The following NDEL1 variants were observed in gnomAD, a reference collection of about 807,000 sequenced individuals.
The protein encoded by NDEL1 is nuclear distribution protein nudE-like 1.
A neutral mutation model predicts 45.7 loss-of-function variants in NDEL1; 9 were observed. The ratio of observed to expected loss-of-function variants is 0.20; its 90% confidence interval spans 0.12 to 0.34. The LOEUF is 0.34. NDEL1 is among the 10% of genes least tolerant of loss of function. NDEL1 has a pLI of 1.00. For missense variants in NDEL1, 306 were observed against 406.2 expected, an observed-to-expected ratio of 0.75 and a Z score of 2.12; for synonymous variants, 133 against 158.6, an observed-to-expected ratio of 0.84 and a Z score of 1.21.
intron 5 of NDEL1, among the ~76,000 whole-genome samples, chr17:8,449,748 T>G (rs993145531): frequency 2.6e-5 from 4 of 152,214 alleles, no homozygotes; most frequent in African/African-American, 9.6e-5. Context: ...GATACTCCAT[T>G]GTATGTATTC....
intron 2 of NDEL1, chr17:8,444,573 A>T: frequency 2.4e-6 from 1 of 415,168 alleles, no homozygotes; most frequent in Non-Finnish European, 4.3e-6. Context: ...AATAGTAGGA[A>T]AACTGTCATT....
chr17:8,467,128 T>G lies in NDEL1; in HGVS notation c.*105T>G. 1 of 1,126,986 alleles carries G rather than the reference T, an allele frequency of 8.9e-7. No homozygotes were observed. The highest frequency in any genetic ancestry group is 1.3e-6 in the Non-Finnish European group (1 of 771,228). 69.8% of individuals were successfully genotyped at this position (1,126,986 alleles called of 1,614,324 possible). A position where few individuals can be genotyped will look rare whatever the true frequency, so the allele number is the denominator to read the frequency against. On this transcript the variant is annotated 3_prime_UTR_variant, in exon 9 of 9. Coordinates refer to ENST00000334527, the MANE Select transcript of NDEL1 (RefSeq NM_030808.5). The surrounding 1 kb of genome is among the most constrained non-coding windows in gnomAD (Gnocchi z 6.3). ...CCAGCCCCGTGCCCCTCCGTCTGCC[T>G]CCGCACGGCTGGCAGAGGGCAGGCT...
intron 1 of NDEL1, among the ~76,000 whole-genome samples, chr17:8,417,187 G>C (rs1257953732): frequency 2.6e-5 from 4 of 151,846 alleles, no homozygotes; most frequent in African/African-American, 9.7e-5. Flanking sequence ...TGCAATCTCG[G>C]CTCATTGCAA....
intron 6 of NDEL1, among the ~76,000 whole-genome samples, chr17:8,453,580 A>T (rs1318974830): frequency 6.6e-6 from 1 of 152,204 alleles, no homozygotes; most frequent in African/African-American, 2.4e-5. Flanking sequence ...TGCACGACTG[A>T]AAACCTTACT....
Position 8,459,792 on chromosome 17 carries a change from G to A in NDEL1, c.793-217G>A, listed in dbSNP as rs539569509. 1.2e-4 allele frequency among the ~76,000 whole-genome samples: 18 copies of A among 152,228 alleles called. 1 individual carries two copies. The South Asian group carries it at 2.5e-3, about 21-fold the overall frequency. On this transcript the variant is annotated intron_variant, in intron 7 of 8. Coordinates refer to ENST00000334527, the MANE Select transcript of NDEL1 (RefSeq NM_030808.5). ...GATTATATGTATTTCCTTCAGTAAC[G>A]CTAAGAGGAGGAAACAAAATATTCT...
At chr17:8,414,979 C>T (rs1038515193) in intron 1 of NDEL1, among the ~76,000 whole-genome samples, 2 of 152,186 alleles carry the variant, frequency 1.3e-5, no homozygotes, top group Admixed American at 6.5e-5. Context: ...TGCCTGGTGC[C>T]TCATCCTACT....
In NDEL1 at chr17:8,465,539, A is replaced by T. The variant is rs1048579419; in HGVS notation, c.945-1391A>T. On this transcript the variant is annotated intron_variant, in intron 8 of 8. Transcript: ENST00000334527. The surrounding 1 kb of genome is among the most constrained non-coding windows in gnomAD (Gnocchi z 4.9). The stretch of plus-strand genomic sequence containing the variant: ...CTTTGTTTCTTCCAAGTAGGCAGGG[A>T]CTATTTGTCAAGTCTCTGCATGCCT... 2.6e-5 allele frequency: 4 copies of T among 152,064 alleles called. No individual in the cohort carries two copies. The highest frequency in any genetic ancestry group is 3.2e-3 in the Middle Eastern group (1 of 316). 9.4% of individuals were successfully genotyped at this position (152,064 alleles called of 1,614,324 possible).
chr17:8,441,213 A>G (rs1909711736), intron 1 of NDEL1, among the ~76,000 whole-genome samples: 2 of 152,240 alleles, frequency 1.3e-5, no homozygotes, highest in South Asian at 4.1e-4. Flanking sequence ...TCTAGGGGCA[A>G]TACAAAGCAT....
chr17:8,473,333 T>C (rs551756509), intron 3 of NDEL1, among the ~76,000 whole-genome samples: 1 of 152,104 alleles, frequency 6.6e-6, no homozygotes, highest in East Asian at 1.9e-4. Flanking sequence ...ACTACAGGTG[T>C]GCACCACCAC....
chr17:8,417,169 T>TA (rs1908564429), intron 1 of NDEL1, among the ~76,000 whole-genome samples: 1 of 152,056 alleles, frequency 6.6e-6, no homozygotes, highest in South Asian at 2.1e-4. Context: ...CAGGCTGGAG[T>TA]ACAACAGTGC....
intron 1 of NDEL1, among the ~76,000 whole-genome samples, chr17:8,422,073 C>G (rs1220007167): frequency 6.6e-6 from 1 of 152,292 alleles, no homozygotes; most frequent in African/African-American, 2.4e-5. Flanking sequence ...GGTTCTCACA[C>G]CAGTGTGGGA....
chr17:8,418,200 G>A (rs1055217305), intron 1 of NDEL1, among the ~76,000 whole-genome samples: 1 of 152,022 alleles, frequency 6.6e-6, no homozygotes, highest in East Asian at 1.9e-4. Flanking sequence ...CCTATCATCT[G>A]TCCCTGTGGG....
At chr17:8,463,732 G>A (rs755077499) in intron 8 of NDEL1, among the ~76,000 whole-genome samples, 141 of 152,366 alleles carry the variant, frequency 9.3e-4, no homozygotes, top group African/African-American at 3.8e-4. Context: ...CCGTTACCCA[G>A]TTGCTTCTGT....
Position 8,435,909 on chromosome 17 carries a change from C to G in NDEL1, c.-149C>G, listed in dbSNP as rs951522996. The G allele has an allele frequency of 2.2e-6, 1 of 447,784 alleles. No homozygotes were observed. The highest frequency in any genetic ancestry group is 4.5e-6 in the Non-Finnish European group (1 of 223,226). 27.7% of individuals were successfully genotyped at this position (447,784 alleles called of 1,614,324 possible). A position where few individuals can be genotyped will look rare whatever the true frequency, so the allele number is the denominator to read the frequency against. On this transcript the variant is annotated 5_prime_UTR_variant, in exon 1 of 9. Coordinates refer to ENST00000334527, the MANE Select transcript of NDEL1 (RefSeq NM_030808.5). ...AGTCCCTGACGTGTCGGGGAGGAGC[C>G]GGGCGCGGAGGTACGCTGAGTGGAG...
rs1178959848 is a variant in NDEL1 at position 8,445,724 on chromosome 17, C to T, written c.100C>T (p.Arg34Trp). Residue 34 changes from arginine (R) to tryptophan (W), a missense_variant, in exon 3 of 9, where the codon CGG becomes TGG. Physicochemically the swap from Arg to Trp is moderately radical, Grantham distance 101 (BLOSUM62 -3). Coordinates refer to ENST00000334527, the MANE Select transcript of NDEL1 (RefSeq NM_030808.5). ...GTTTCTGATTAGCTTCCAGGAAGCT[C>T]GGGATGAGCTAGTTGAATTCCAGGA... ...LKYKQSFQEARDELVEFQEGS... is the reference protein window; with the variant it reads ...LKYKQSFQEAWDELVEFQEGS... The T allele has an allele frequency of 3.1e-6, 5 of 1,591,336 alleles. No homozygotes were observed. In the East Asian group the frequency reaches 7.0e-5, roughly 22 times the overall value.
upstream of NDEL1, among the ~76,000 whole-genome samples, chr17:8,435,627 G>T (rs1286238500): frequency 6.6e-6 from 1 of 152,236 alleles, no homozygotes; most frequent in Non-Finnish European, 1.5e-5. Context: ...GTTCCCATCC[G>T]TCTTGGCACC....
intron 8 of NDEL1, 166 bp from the exon 9 acceptor site, chr17:8,466,764 C>T: frequency 1.6e-6 from 1 of 642,172 alleles, no homozygotes; most frequent in Non-Finnish European, 2.7e-6. Flanking sequence ...AATTCTCTAA[C>T]CAGCTGGTGC....
intron 7 of NDEL1, among the ~76,000 whole-genome samples, chr17:8,457,201 G>A (rs950628952): frequency 1.1e-4 from 16 of 151,908 alleles, no homozygotes; most frequent in Admixed American, 2.0e-4. Context: ...CTTTGCTCTC[G>A]GATCTTCTAG....
chr17:8,459,959 T>C, intron 7 of NDEL1, 50 bp from the exon 8 acceptor site: 2 of 1,556,914 alleles, frequency 1.3e-6, no homozygotes, highest in Non-Finnish European at 1.7e-6. Context: ...CAAATTTTTA[T>C]GTGCAGCTAC....
Sources: allele counts gnomAD v4.1 joint callset (sites outside exome capture counted in the v4.1 genomes callset), GRCh38; gene constraint gnomAD v4.1.1; non-coding constraint Gnocchi (gnomAD v3.1); transcripts MANE v1.5; gene names NCBI Gene and HGNC (gene_info 2026-07-23, HGNC 2026-07-21).